The following GRIA1 variants were observed in gnomAD, a reference collection of about 807,000 sequenced individuals.
The protein encoded by GRIA1 is glutamate ionotropic receptor AMPA type subunit 1, also known as glutamate receptor 1.
In GRIA1, 31 loss-of-function variants were observed where a neutral mutation model predicts 99.2. The observed-to-expected ratio is 0.31, with a 90% CI of 0.23 to 0.42. GRIA1 has a LOEUF of 0.42. Ranked by LOEUF, GRIA1 falls within the 10% of genes least tolerant of loss-of-function variation. The pLI is 1.00. For missense variants in GRIA1, 782 were observed against 1,157.5 expected (o/e 0.68, Z 4.71); for synonymous variants, 438 against 432.4 (o/e 1.01, Z -0.16).
chr5:153,633,107 CA>C (rs148092177), intron 2 of GRIA1, among the ~76,000 whole-genome samples: 11,335 of 152,218 alleles, frequency 0.074, 553 homozygotes, highest in Non-Finnish European at 0.11. Context: ...GAGAGTGAAT[CA>C]GGGGCAGGGA....
intron 2 of GRIA1, among the ~76,000 whole-genome samples, chr5:153,568,504 T>A (rs544872324): frequency 6.6e-5 from 10 of 152,316 alleles, no homozygotes; most frequent in South Asian, 2.1e-4. Context: ...TGGTTTTTTT[T>A]AATGGGCTTT....
chr5:153,542,640 A>G (rs1327762348), intron 2 of GRIA1, among the ~76,000 whole-genome samples: 2 of 152,262 alleles, frequency 1.3e-5, no homozygotes, highest in Non-Finnish European at 2.9e-5. Flanking sequence ...TATACAGTGG[A>G]GTGAACTAGC....
chr5:153,796,443 A>G (rs995456556), intron 14 of GRIA1, among the ~76,000 whole-genome samples: 1 of 152,178 alleles, frequency 6.6e-6, no homozygotes, highest in African/African-American at 2.4e-5. Flanking sequence ...CATATAAATA[A>G]CTATAATGAC....
chr5:153,721,695 G>T (rs930627749), intron 11 of GRIA1, among the ~76,000 whole-genome samples: 1 of 152,122 alleles, frequency 6.6e-6, no homozygotes, highest in Non-Finnish European at 1.5e-5. Context: ...TATAGTTGTA[G>T]TTCATTCATT....
At chr5:153,534,348 G>A (rs1049257169) in intron 2 of GRIA1, among the ~76,000 whole-genome samples, 6 of 152,116 alleles carry the variant, frequency 3.9e-5, no homozygotes, top group Admixed American at 6.5e-5. Flanking sequence ...CTGGGGAGAA[G>A]GAACTGTGAA....
intron 14 of GRIA1, among the ~76,000 whole-genome samples, chr5:153,796,780 G>GCCCCCA (rs1765673608): frequency 6.9e-6 from 1 of 144,088 alleles, no homozygotes; most frequent in African/African-American, 2.6e-5. Flanking sequence ...TAGATATCCT[G>GCCCCCA]CCCCCACCCC....
intron 3 of GRIA1, among the ~76,000 whole-genome samples, chr5:153,648,549 T>G (rs943554734): frequency 6.6e-6 from 1 of 152,156 alleles, no homozygotes; most frequent in Non-Finnish European, 1.5e-5. Context: ...GGGATAATAA[T>G]AGTATCTACC....
chr5:153,508,713 C>T (rs567563750), intron 2 of GRIA1, among the ~76,000 whole-genome samples: 22 of 152,158 alleles, frequency 1.4e-4, no homozygotes, highest in Non-Finnish European at 2.4e-4. Flanking sequence ...GACATGAAAA[C>T]AGTATGTGTC....
intron 2 of GRIA1, among the ~76,000 whole-genome samples, chr5:153,633,061 C>A (rs1265475602): frequency 1.3e-5 from 2 of 152,042 alleles, no homozygotes; most frequent in African/African-American, 4.8e-5. Context: ...GTGGGTGGGG[C>A]CTCAGGTGAT....
At chr5:153,696,619 G>A (rs1758124562) in intron 8 of GRIA1, among the ~76,000 whole-genome samples, 1 of 152,256 alleles carries the variant, frequency 6.6e-6, no homozygotes, top group Non-Finnish European at 1.5e-5. Context: ...ACATGAAGGT[G>A]AAGGTGACAT....
intron 2 of GRIA1, among the ~76,000 whole-genome samples, chr5:153,566,596 A>G (rs371522711): frequency 1.3e-5 from 2 of 150,424 alleles, no homozygotes; most frequent in African/African-American, 4.9e-5. Context: ...GTGAACCACC[A>G]TGCCCAGCCT....
intron 13 of GRIA1, among the ~76,000 whole-genome samples, chr5:153,771,600 G>A (rs1763886458): frequency 6.6e-6 from 1 of 152,160 alleles, no homozygotes; most frequent in South Asian, 2.1e-4. Context: ...TACTAGGACA[G>A]TCTATAAAAG....
chr5:153,810,047 G>A (rs997964185), intron 15 of GRIA1, among the ~76,000 whole-genome samples: 4 of 152,068 alleles, frequency 2.6e-5, no homozygotes, highest in African/African-American at 4.8e-5. Flanking sequence ...ATCATCAATG[G>A]TCTTTCTCCA....
intron 11 of GRIA1, among the ~76,000 whole-genome samples, chr5:153,724,401 G>A (rs1760337917): frequency 6.6e-6 from 1 of 152,188 alleles, no homozygotes; most frequent in Non-Finnish European, 1.5e-5. Flanking sequence ...GACAGAGAAT[G>A]ACTTTGACGA....
intron 2 of GRIA1, among the ~76,000 whole-genome samples, chr5:153,626,343 A>C (rs1303788218): frequency 6.6e-6 from 1 of 152,044 alleles, no homozygotes; most frequent in Non-Finnish European, 1.5e-5. Context: ...AGAGGTTCCC[A>C]CCTGAAGTCT....
intron 8 of GRIA1, among the ~76,000 whole-genome samples, chr5:153,688,157 C>G (rs1167575193): frequency 6.6e-6 from 1 of 152,168 alleles, no homozygotes; most frequent in Non-Finnish European, 1.5e-5. Context: ...AGCCCATCTC[C>G]CATCTCTGAC....
At chr5:153,801,393 C>T (rs1213445501) in intron 14 of GRIA1, among the ~76,000 whole-genome samples, 2 of 150,614 alleles carry the variant, frequency 1.3e-5, no homozygotes, top group Non-Finnish European at 3.0e-5. Flanking sequence ...CAGACCTTCA[C>T]TTTTGAACTC....
chr5:153,677,763 A>G (rs773745079), intron 7 of GRIA1, among the ~76,000 whole-genome samples: 3 of 152,228 alleles, frequency 2.0e-5, no homozygotes, highest in Non-Finnish European at 4.4e-5. Context: ...TAAATATTCA[A>G]TTAGTGATAT....
At chr5:153,688,610 G>A (rs566055216) in intron 8 of GRIA1, among the ~76,000 whole-genome samples, 1 of 152,310 alleles carries the variant, frequency 6.6e-6, no homozygotes, top group Non-Finnish European at 1.5e-5. Flanking sequence ...AAACACTGAG[G>A]TGGCTTGTTT....
Sources: gnomAD v4.1 joint callset for allele counts (sites outside exome capture counted in the v4.1 genomes callset) on GRCh38, gnomAD v4.1.1 for gene constraint, MANE v1.5 for transcripts, NCBI Gene and HGNC (gene_info 2026-07-23, HGNC 2026-07-21) for gene names.